The following C21orf91 variants were observed in gnomAD, a reference collection of about 807,000 sequenced individuals.
The protein encoded by C21orf91 is chromosome 21 open reading frame 91.
A neutral mutation model predicts 32.9 loss-of-function variants in C21orf91; 26 were observed. That is an observed-to-expected ratio of 0.79 (90% CI 0.58 to 1.10). The LOEUF (loss-of-function observed/expected upper bound fraction) is 1.10. Ranked by LOEUF, C21orf91 falls within the 50% of genes least tolerant of loss-of-function variation. C21orf91 has a pLI of 0.00. For missense variants in C21orf91, 310 were observed against 341.3 expected, an observed-to-expected ratio of 0.91 and a Z score of 0.72; for synonymous variants, 126 against 120.4, an observed-to-expected ratio of 1.05 and a Z score of -0.31.
chr21:17,818,145 CTG>C (rs2062677192), intron 2 of C21orf91, 45 bp downstream of exon 2: 5 of 1,460,514 alleles, frequency 3.4e-6, no homozygotes, highest in Non-Finnish European at 4.8e-6. Flanking sequence ...TACAAAGCAG[CTG>C]TGTTAAATTC....
intron 2 of C21orf91, among the ~76,000 whole-genome samples, chr21:17,801,460 C>T (rs1415729880): frequency 5.3e-5 from 8 of 151,904 alleles, no homozygotes; most frequent in Non-Finnish European, 1.2e-4. Context: ...TTAGTAGAGA[C>T]GGGGTTTCAC....
chr21:17,801,816 A>G (rs1453578525), intron 2 of C21orf91, among the ~76,000 whole-genome samples: 1 of 151,748 alleles, frequency 6.6e-6, no homozygotes, highest in Non-Finnish European at 1.5e-5. Context: ...CATGTTCTGC[A>G]TGTATATCCC....
At position 17,795,253 on chromosome 21, in the gene C21orf91, C is replaced by CA; in HGVS notation, c.681dup (p.Gly228TrpfsTer2). On this transcript the variant is annotated frameshift_variant, in exon 4 of 5. Coordinates refer to ENST00000284881, the MANE Select transcript of C21orf91 (RefSeq NM_001100420.2). LOFTEE classifies it high-confidence loss of function. ...TTTGCATTCAGTTGCTCTACCTCAC[C>CA]AAGAGTCATCGAATTCACTGAAACA... The CA allele has an allele frequency of 6.2e-7, 1 of 1,609,002 alleles. No individual in the cohort carries two copies. Among genetic ancestry groups the CA allele is most frequent in the Non-Finnish European group, 8.5e-7 (1 of 1,175,704 alleles).
intron 2 of C21orf91, chr21:17,811,254 C>G (rs1356809897): frequency 6.6e-6 from 1 of 152,280 alleles, no homozygotes; most frequent in South Asian, 2.1e-4. Context: ...TAACACAGAA[C>G]CTACTTCATA....
In C21orf91 at chr21:17,815,343, G is replaced by C. The variant is rs75628966; in HGVS notation, c.127+2849C>G. On this transcript the variant is annotated intron_variant, in intron 2 of 4. Coordinates refer to ENST00000284881, the MANE Select transcript of C21orf91 (RefSeq NM_001100420.2). ...TTAGACCAAAGCTAGCAATTATAAA[G>C]CTAAGAAATCAGGCAACTGCAATAC... is the stretch of plus-strand genomic sequence containing the variant. Among the ~76,000 whole-genome samples, 373 of 152,070 alleles carry C rather than the reference G, an allele frequency of 2.5e-3. 10 individuals are homozygous for C. The East Asian group carries it at 0.068, about 28-fold the overall frequency.
At chr21:17,813,614 C>T (rs940057624) in intron 2 of C21orf91, among the ~76,000 whole-genome samples, 1 of 152,222 alleles carries the variant, frequency 6.6e-6, no homozygotes, top group African/African-American at 2.4e-5. Flanking sequence ...TTGTTTGGTA[C>T]AGACTGAATG....
At chr21:17,802,789 T>C (rs1194601289) in intron 2 of C21orf91, among the ~76,000 whole-genome samples, 1 of 152,256 alleles carries the variant, frequency 6.6e-6, no homozygotes, top group Non-Finnish European at 1.5e-5. Context: ...TGAATGCCTT[T>C]ATACTTCACA....
intron 2 of C21orf91, among the ~76,000 whole-genome samples, chr21:17,801,350 A>C (rs1267515820): frequency 6.6e-6 from 1 of 151,386 alleles, no homozygotes; most frequent in East Asian, 1.9e-4. Context: ...GGCTTACTGC[A>C]AGCTCCGCCT....
chr21:17,809,174 GAACT>G (rs574061002), intron 2 of C21orf91, among the ~76,000 whole-genome samples: 81 of 152,178 alleles, frequency 5.3e-4, no homozygotes, highest in Admixed American at 1.4e-3. Flanking sequence ...AGCAGTGTGA[GAACT>G]AACACAATAA....
chr21:17,813,215 G>C (rs1440823464), intron 2 of C21orf91, among the ~76,000 whole-genome samples: 1 of 152,168 alleles, frequency 6.6e-6, no homozygotes, highest in Non-Finnish European at 1.5e-5. Context: ...CCTTACTTAA[G>C]TGGAAAAAAG....
intron 2 of C21orf91, among the ~76,000 whole-genome samples, chr21:17,811,084 A>G (rs2062629580): frequency 6.6e-6 from 1 of 152,206 alleles, no homozygotes; most frequent in Admixed American, 6.5e-5. Flanking sequence ...AAGTTACTTA[A>G]TAGCTCCTAA....
chr21:17,796,549 C>A, intron 3 of C21orf91, 33 bp downstream of exon 3: 1 of 1,559,426 alleles, frequency 6.4e-7, no homozygotes, highest in Admixed American at 1.8e-5. Flanking sequence ...TCCCAAACCA[C>A]CCAACTTTTA....
At chr21:17,805,235 T>C (rs944633219) in intron 2 of C21orf91, among the ~76,000 whole-genome samples, 4 of 152,336 alleles carry the variant, frequency 2.6e-5, no homozygotes, top group African/African-American at 4.8e-5. Flanking sequence ...AGCTTGTCCA[T>C]AGGTAACTAA....
In C21orf91 at chr21:17,819,311, T is replaced by C. The variant is rs1033931295; in HGVS notation, c.-16A>G. On this transcript the variant is annotated 5_prime_UTR_variant, in exon 1 of 5. Transcript: ENST00000284881. ...GGCTGCGGGGTCTTTACCGTCCGGC[T>C]CCGCGGGCCACCACCGCCGTTCCGT... 3.9e-5 allele frequency: 6 copies of C among 152,312 alleles called. No individual in the cohort carries two copies. Among genetic ancestry groups the C allele is most frequent in the Admixed American group, 3.9e-4 (6 of 15,268 alleles). The allele number at this position is 152,312 out of a possible 1,614,324, so 9.4% of individuals were successfully genotyped here.
chr21:17,807,468 G>C (rs1376582672), intron 2 of C21orf91, among the ~76,000 whole-genome samples: 1 of 152,166 alleles, frequency 6.6e-6, no homozygotes, highest in African/African-American at 2.4e-5. Context: ...ATCAGTACTG[G>C]GAATGGGGCA....
chr21:17,809,528 A>C (rs2062618831), intron 2 of C21orf91, among the ~76,000 whole-genome samples: 1 of 152,200 alleles, frequency 6.6e-6, no homozygotes, highest in African/African-American at 2.4e-5. Context: ...ATATTATTCC[A>C]CCAGTATACG....
In C21orf91 at chr21:17,790,008, T is replaced by C. The variant is rs1489942672; in HGVS notation, c.*3407A>G. 2.0e-5 allele frequency: 3 copies of C among 152,128 alleles called. No individual in the cohort carries two copies. The highest frequency in any genetic ancestry group is 1.3e-4 in the Admixed American group (2 of 15,274). The allele number at this position is 152,128 out of a possible 1,614,324, so 9.4% of individuals were successfully genotyped here. ...AAGTATTAACTTTTTTATAGCGTAT[T>C]ACACTTCTTAATAAGCACTTAGTAA... On this transcript the variant is annotated 3_prime_UTR_variant, in exon 5 of 5. Transcript: ENST00000284881.
intron 2 of C21orf91, among the ~76,000 whole-genome samples, chr21:17,812,524 T>C (rs965919904): frequency 6.6e-6 from 1 of 152,182 alleles, no homozygotes; most frequent in African/African-American, 2.4e-5. Context: ...AAGAAACCAC[T>C]GTTGGCCGGG....
At chr21:17,811,088 C>A (rs2062629595) in intron 2 of C21orf91, among the ~76,000 whole-genome samples, 1 of 152,142 alleles carries the variant, frequency 6.6e-6, no homozygotes, top group Admixed American at 6.5e-5. Flanking sequence ...TACTTAATAG[C>A]TCCTAAATTC....
Sources: allele counts gnomAD v4.1 joint callset (sites outside exome capture counted in the v4.1 genomes callset), GRCh38; gene constraint gnomAD v4.1.1; transcripts MANE v1.5; gene names NCBI Gene and HGNC (gene_info 2026-07-23, HGNC 2026-07-21).